ZNF841: variants seen among roughly 807,000 people sequenced by gnomAD.
The protein encoded by ZNF841 is zinc finger protein 841.
A neutral mutation model predicts 13.0 loss-of-function variants in ZNF841; 11 were observed. That is an observed-to-expected ratio of 0.85 (90% CI 0.53 to 1.40). The LOEUF is 1.40. Among genes scored for constraint, ZNF841 ranks in the 40% most tolerant of loss-of-function variants. The pLI is 0.00. For synonymous variants in ZNF841, 369 were observed against 381.6 expected (o/e 0.97, Z 0.38); for missense variants, 1,068 against 1,139.5 (o/e 0.94, Z 0.90).
chr19:52,090,677 A>AAGAAAG (rs1568549688), intron 2 of ZNF841, among the ~76,000 whole-genome samples: 4 of 144,808 alleles, frequency 2.8e-5, no homozygotes, highest in African/African-American at 7.6e-5. Flanking sequence ...GAAAGAAAGA[A>AAGAAAG]AGAAAGAAAG....
At chr19:52,081,298 G>A (rs138898924) in intron 4 of ZNF841, among the ~76,000 whole-genome samples, 119 of 152,224 alleles carry the variant, frequency 7.8e-4, no homozygotes, top group African/African-American at 2.6e-3. Flanking sequence ...AGGACCATAC[G>A]TGTTCAACAC....
In ZNF841 at chr19:52,066,268, C is replaced by T. The variant is rs753793278; in HGVS notation, c.1614G>A (p.Glu538=). 7.4e-6 allele frequency: 12 copies of T among 1,613,948 alleles called. No individual in the cohort carries two copies. The African/African-American group carries it at 1.2e-4, about 16-fold the overall frequency. Residue 538 remains glutamate (E), a synonymous_variant, in exon 7 of 7, where the codon GAG becomes GAA. Transcript: ENST00000594440. ...LTVHQRIHTG[E]KPYKCNVCGK... Reference sequence around the variant, plus strand: ...CACACACATTACATTTGTAAGGTTTCTCTCCGGTATGAATTCTCTGATGTA... The same window carrying T: ...CACACACATTACATTTGTAAGGTTTTTCTCCGGTATGAATTCTCTGATGTA...
chr19:52,067,094 C>A lies in ZNF841; in HGVS notation c.788G>T (p.Gly263Val). Residue 263 changes from glycine (G) to valine (V), a missense_variant, in exon 7 of 7, where the codon GGT becomes GTT. Physicochemically the swap from Gly to Val is moderately radical, Grantham distance 109. Transcript: ENST00000594440. ...TCTGAAGGCTTTGCCACACTCATTA[C>A]CTATGTAAGGTTTTTCCCTAATATG... ...KTHIREKPYI[G>V]NECGKAFRVS... The A allele has an allele frequency of 6.3e-7, 1 of 1,596,224 alleles. No individual in the cohort carries two copies. Among genetic ancestry groups the A allele is most frequent in the Non-Finnish European group, 8.5e-7 (1 of 1,170,054 alleles).
In ZNF841 at chr19:52,076,117, G is replaced by A. The variant is rs755658353; in HGVS notation, c.198C>T (p.Pro66=). Residue 66 remains proline, a synonymous_variant, in exon 6 of 7, where the codon CCC becomes CCT. Transcript: ENST00000594440. ...IISMLEQGKE[P]WTVVSQVKIA... Reference sequence around the variant, plus strand: ...TTTTCACTTGGCTCACCACAGTCCAGGGCTCTTTCCCTTGCTCCAACATGG... The same window carrying A: ...TTTTCACTTGGCTCACCACAGTCCAAGGCTCTTTCCCTTGCTCCAACATGG... 1.9e-6 allele frequency: 3 copies of A among 1,557,110 alleles called. No homozygotes were observed. In the South Asian group the frequency reaches 3.6e-5, roughly 18 times the overall value.
chr19:52,084,864 C>A lies in ZNF841; in HGVS notation c.-63G>T. 2.0e-6 allele frequency: 3 copies of A among 1,535,672 alleles called. No homozygotes were observed. The highest frequency in any genetic ancestry group is 2.3e-5 in the East Asian group (1 of 43,796). Reference sequence around the variant, plus strand: ...TCTCTCTCAGTCAATATAATTAATTCTTTAAAAGTCAAATCTGAAAGTCAA... The same window carrying A: ...TCTCTCTCAGTCAATATAATTAATTATTTAAAAGTCAAATCTGAAAGTCAA... On this transcript the variant is annotated 5_prime_UTR_variant, in exon 4 of 7. Coordinates refer to ENST00000594440, the MANE Select transcript of ZNF841 (RefSeq NM_001136499.2).
intron 6 of ZNF841, among the ~76,000 whole-genome samples, chr19:52,074,488 A>C (rs376083122): frequency 6.6e-5 from 10 of 152,296 alleles, no homozygotes; most frequent in Non-Finnish European, 1.2e-4. Context: ...GCAGAGATGA[A>C]GCTGTGAACC....
intron 3 of ZNF841, among the ~76,000 whole-genome samples, chr19:52,086,765 A>G (rs2088290366): frequency 6.6e-6 from 1 of 152,246 alleles, no homozygotes; most frequent in Non-Finnish European, 1.5e-5. Context: ...AGAAAATCAA[A>G]TAGCTCCTGA....
intron 1 of ZNF841, among the ~76,000 whole-genome samples, chr19:52,094,495 C>G (rs1362143253): frequency 6.6e-6 from 1 of 152,082 alleles, no homozygotes; most frequent in African/African-American, 2.4e-5. Context: ...CTTCACCTCT[C>G]GTAGCTCTTT....
In ZNF841 at chr19:52,066,480, G is replaced by C. The variant is rs372282580; in HGVS notation, c.1402C>G (p.Gln468Glu). Residue 468 changes from glutamine (Q) to glutamate (E), a missense_variant, in exon 7 of 7, where the codon CAA becomes GAA. Gln to Glu is a conservative substitution (Grantham distance 29, BLOSUM62 2). Coordinates refer to ENST00000594440, the MANE Select transcript of ZNF841 (RefSeq NM_001136499.2). ...CGGTGCCCTGCAAGACGTGAACGTT[G>C]AAAGAAGACCTTGCCACATTCATTA... ...KCNECGKVFFQRSRLAGHRRI... is the reference protein window; with the variant it reads ...KCNECGKVFFERSRLAGHRRI... 4.6e-5 allele frequency: 74 copies of C among 1,613,068 alleles called. No individual in the cohort carries two copies. Among genetic ancestry groups the C allele is most frequent in the Non-Finnish European group, 5.8e-5 (69 of 1,179,706 alleles).
At chr19:52,068,975 A>C (rs1261126504) in intron 6 of ZNF841, among the ~76,000 whole-genome samples, 3 of 152,346 alleles carry the variant, frequency 2.0e-5, no homozygotes, top group Middle Eastern at 6.8e-3. Context: ...GCCTCAAAAA[A>C]AGAATAAAAC....
intron 5 of ZNF841, 23 bp downstream of exon 5, chr19:52,076,935 T>C: frequency 6.2e-7 from 1 of 1,609,562 alleles, no homozygotes; most frequent in East Asian, 2.2e-5. Context: ...AGATCCTAAC[T>C]TCTGGAGGAA....
intron 6 of ZNF841, among the ~76,000 whole-genome samples, chr19:52,072,793 T>C (rs549939420): frequency 2.0e-5 from 3 of 152,284 alleles, no homozygotes; most frequent in South Asian, 4.1e-4. Flanking sequence ...CACTCCAGCC[T>C]GGACAACAAG....
Position 52,085,484 on chromosome 19 carries a change from A to T in ZNF841, c.-77-606T>A, listed in dbSNP as rs78331962. ...GCTTCACTGTTACCAGTTTGTAGAC[A>T]GTAGAACACAATGGACCAGAAACAC... On this transcript the variant is annotated intron_variant, in intron 3 of 6. Transcript: ENST00000594440. 3.8e-3 allele frequency among the ~76,000 whole-genome samples: 583 copies of T among 152,362 alleles called. 5 individuals are homozygous for T. The highest frequency in any genetic ancestry group is 9.6e-3 in the African/African-American group (401 of 41,590).
chr19:52,082,005 T>C (rs991204949), intron 4 of ZNF841, among the ~76,000 whole-genome samples: 1 of 151,742 alleles, frequency 6.6e-6, no homozygotes, highest in Admixed American at 6.6e-5. Flanking sequence ...ACAAAAACTA[T>C]AAAAAATAAA....
intron 4 of ZNF841, among the ~76,000 whole-genome samples, chr19:52,082,922 T>C (rs942373705): frequency 6.6e-6 from 1 of 151,696 alleles, no homozygotes; most frequent in African/African-American, 2.4e-5. Flanking sequence ...CAACTAAAAA[T>C]ACAAAAAATT....
At chr19:52,064,368 A>AC (rs2087467047), downstream of ZNF841, 1 of 130,306 alleles carries the variant, frequency 7.7e-6, no homozygotes, top group African/African-American at 3.8e-5. Flanking sequence ...AAAAAAAAAA[A>AC]AAAAAAAAAA....
chr19:52,087,382 G>A (rs1037944819), intron 3 of ZNF841, among the ~76,000 whole-genome samples: 12 of 151,972 alleles, frequency 7.9e-5, no homozygotes, highest in African/African-American at 1.9e-4. Flanking sequence ...CCACTCTCAG[G>A]TAGATCCCAG....
downstream of ZNF841, among the ~76,000 whole-genome samples, chr19:52,062,637 C>T (rs558375674): frequency 1.3e-5 from 2 of 152,302 alleles, no homozygotes; most frequent in Admixed American, 6.5e-5. Flanking sequence ...ATGAAGGTCA[C>T]AAATAGTCAA....
At chr19:52,058,732 CAA>C in the ZNF841 span, 2 of 152,846 alleles carry the variant, frequency 1.3e-5, no homozygotes, top group African/African-American at 4.8e-5. Context: ...AATTGAATAA[CAA>C]AAAAGCCATT....
Sources: gnomAD v4.1 joint callset for allele counts (sites outside exome capture counted in the v4.1 genomes callset) on GRCh38, gnomAD v4.1.1 for gene constraint, MANE v1.5 for transcripts, NCBI Gene and HGNC (gene_info 2026-07-23, HGNC 2026-07-21) for gene names.